Variants in NUPR2 observed in about 807,000 individuals in gnomAD.
The protein encoded by NUPR2 is nuclear protein 2.
A neutral mutation model predicts 7.3 loss-of-function variants in NUPR2; 14 were observed. The ratio of observed to expected loss-of-function variants is 1.93; its 90% CI spans 1.27 to 3.01. The LOEUF (loss-of-function observed/expected upper bound fraction) is 3.01, where lower values mean the gene tolerates loss of function less well. Among genes scored for constraint, NUPR2 ranks in the 30% most tolerant of loss-of-function variants. The pLI, the probability that NUPR2 is intolerant of heterozygous loss-of-function variation, is 0.00. For synonymous variants in NUPR2, 56 were observed against 59.7 expected, an observed-to-expected ratio of 0.94 and a Z score of 0.29; for missense variants, 162 against 143.7, an observed-to-expected ratio of 1.13 and a Z score of -0.65.
chr7:56,116,290 G>A lies in NUPR2; in HGVS notation c.25C>T (p.Leu9Phe). 6.8e-7 allele frequency: 1 copy of A among 1,465,904 alleles called. No homozygotes were observed. 90.8% of individuals were successfully genotyped at this position (1,465,904 alleles called of 1,614,324 possible). MEAPAERA[L>F]PRLQALARPP... is the part of the protein sequence containing the mutation. ...CGAGCCAGAGCCTGCAGACGTGGAA[G>A]CGCCCGCTCTGCGGGCGCTTCCATC... The change falls in exon 1 of 2, where the codon CTT becomes TTT. Residue 9 changes from leucine (L) to phenylalanine (F), a missense_variant. Transcript: ENST00000329309.
intron 1 of NUPR2, among the ~76,000 whole-genome samples, chr7:56,115,292 T>A (rs1401267958): frequency 1.3e-5 from 2 of 149,726 alleles, no homozygotes; most frequent in Non-Finnish European, 3.0e-5. Context: ...TACCTGCATC[T>A]ATTTTTTTTA....
rs1393798565 is a variant in NUPR2, at chr7:56,116,164, G to C, written c.151C>G (p.Arg51Gly). The C allele has an allele frequency of 1.3e-6, 2 of 1,547,922 alleles. No homozygotes were observed. The highest frequency in any genetic ancestry group is 2.5e-5 in the East Asian group (1 of 40,610). The change falls in exon 1 of 2, where the codon CGG (arginine) becomes GGG (glycine). Residue 51 changes from arginine (R) to glycine (G), a missense_variant. Transcript: ENST00000329309. Reference sequence around the variant, plus strand: ...CGCAGCGCCTGCTCGCGCCGAGTCCGGCCCTTGCTGCGCCCTGCCCCGCAG... The same window carrying C: ...CGCAGCGCCTGCTCGCGCCGAGTCCCGCCCTTGCTGCGCCCTGCCCCGCAG... ...PACGAGRSKGRTRREQALRTN... is the reference protein window; with the variant it reads ...PACGAGRSKGGTRREQALRTN...
At position 56,116,328 on chromosome 7, in the gene NUPR2, G is replaced by C. The variant is rs1020298443; in HGVS notation, c.-14C>G. On this transcript the variant is annotated 5_prime_UTR_variant, in exon 1 of 2. Transcript: ENST00000329309. ...GGGCGCTTCCATCCTGCCCAGGCCT[G>C]TGGCCACCGGCGGCCACCTGCCCGC... 2.5e-5 allele frequency: 33 copies of C among 1,344,750 alleles called. No individual in the cohort carries two copies. The highest frequency in any genetic ancestry group is 3.2e-5 in the Non-Finnish European group (33 of 1,045,670). 83.3% of individuals were successfully genotyped at this position (1,344,750 alleles called of 1,614,324 possible).
At chr7:56,115,430 TGTGTG>T (rs1362489473) in intron 1 of NUPR2, among the ~76,000 whole-genome samples, 14 of 18,238 alleles carry the variant, frequency 7.7e-4, no homozygotes, top group Non-Finnish European at 1.3e-3. Context: ...TATATATATT[TGTGTG>T]TGTGTGTGTG....
intron 1 of NUPR2, among the ~76,000 whole-genome samples, chr7:56,115,435 G>GTCTATATATA: frequency 3.1e-5 from 1 of 32,256 alleles, no homozygotes; most frequent in African/African-American, 1.5e-4. Flanking sequence ...ATATTTGTGT[G>GTCTATATATA]TGTGTGTGTG....
intron 1 of NUPR2, 82 bp downstream of exon 1, chr7:56,115,933 C>T (rs1051210447): frequency 3.7e-5 from 47 of 1,271,312 alleles, no homozygotes; most frequent in Non-Finnish European, 4.8e-5. Flanking sequence ...CGACTCTGCC[C>T]AGGGCGAGCA....
rs1785554440 is a variant in NUPR2 at position 56,116,337 on chromosome 7, GGCGGC to G, written c.-28_-24del. The G allele has an allele frequency of 8.1e-7, 1 of 1,229,582 alleles. No homozygotes were observed. Among genetic ancestry groups the G allele is most frequent in the African/African-American group, 1.6e-5 (1 of 60,756 alleles). The allele number at this position is 1,229,582 out of a possible 1,614,324, so 76.2% of individuals were successfully genotyped here. The stretch of plus-strand genomic sequence containing the variant: ...CATCCTGCCCAGGCCTGTGGCCACC[GGCGGC>G]CACCTGCCCGCGTCTGGGCGCTCCT... On this transcript the variant is annotated 5_prime_UTR_variant, in exon 1 of 2. Coordinates refer to ENST00000329309, the MANE Select transcript of NUPR2 (RefSeq NM_001145712.2).
At chr7:56,115,692 G>C (rs1018708500) in intron 1 of NUPR2, among the ~76,000 whole-genome samples, 8 of 142,850 alleles carry the variant, frequency 5.6e-5, no homozygotes, top group Non-Finnish European at 9.1e-5. Flanking sequence ...GGATGGTTTC[G>C]ATCTCCTGAC....
chr7:56,115,565 C>G (rs1288441772), intron 1 of NUPR2, among the ~76,000 whole-genome samples: 18 of 140,936 alleles, frequency 1.3e-4, no homozygotes, highest in Admixed American at 1.2e-3. Flanking sequence ...AAGCCATTCC[C>G]CTGCTTCAGC....
chr7:56,114,970 C>G (rs1055461806), intron 1 of NUPR2, 73 bp from the exon 2 acceptor site: 1 of 152,240 alleles, frequency 6.6e-6, no homozygotes, highest in African/African-American at 2.4e-5. Flanking sequence ...GGGTCTCACT[C>G]TGTCGCCTAG....
At chr7:56,114,985 G>C (rs1363280573) in intron 1 of NUPR2, 88 bp from the exon 2 acceptor site, 4 of 152,122 alleles carry the variant, frequency 2.6e-5, no homozygotes, top group African/African-American at 9.7e-5. Flanking sequence ...GCCTAGGCTG[G>C]AGTGAAGTGG....
intron 1 of NUPR2, among the ~76,000 whole-genome samples, chr7:56,115,401 A>ATG (rs1785522518): frequency 3.3e-5 from 1 of 30,304 alleles, no homozygotes; most frequent in African/African-American, 2.5e-4. Flanking sequence ...TCGCATATAT[A>ATG]TATATATATA....
rs1562891882 is a variant in NUPR2, at chr7:56,115,433, G to GTATATATA, written c.*7-537_*7-536insTATATATA. Among the ~76,000 whole-genome samples the GTATATATA allele has an allele frequency of 2.6e-4, 3 of 11,746 alleles. 1 individual carries two copies. Among genetic ancestry groups the GTATATATA allele is most frequent in the African/African-American group, 2.0e-3 (3 of 1,512 alleles). 7.7% of individuals were successfully genotyped at this position (11,746 alleles called of 152,430 possible). A position where few individuals can be genotyped will look rare whatever the true frequency, so the allele number is the denominator to read the frequency against. ...TATATATATATATATATATATTTGT[G>GTATATATA]TGTGTGTGTGTGTGTGTGTGTGTGT... On this transcript the variant is annotated intron_variant, in intron 1 of 1. Transcript: ENST00000329309.
Position 56,116,109 on chromosome 7 carries a change from T to C in NUPR2, c.206A>G (p.Glu69Gly). The change falls in exon 1 of 2, where the codon GAG (glutamate) becomes GGG (glycine). Residue 69 changes from glutamate (E) to glycine (G), a missense_variant. Physicochemically the swap from Glu to Gly is moderately conservative, Grantham distance 98. Transcript: ENST00000329309. ...RTNWPAPGGH[E>G]RKVAQKLLNG... ...GAGGAGCTTCTGCGCGACCTTGCGC[T>C]CGTGCCCGCCAGGTGCAGGCCAGTT... 1 of 1,540,734 alleles carries C rather than the reference T, an allele frequency of 6.5e-7. No homozygotes were observed. The highest frequency in any genetic ancestry group is 8.8e-7 in the Non-Finnish European group (1 of 1,142,716).
Position 56,116,175 on chromosome 7 carries a change from C to T in NUPR2, c.140G>A (p.Arg47His), listed in dbSNP as rs1037212258. ...CTCGCGCCGAGTCCGGCCCTTGCTG[C>T]GCCCTGCCCCGCAGGCCGGGAAGTC... ...LRDFPACGAGRSKGRTRREQA... is the reference protein window; with the variant it reads ...LRDFPACGAGHSKGRTRREQA... Residue 47 changes from arginine to histidine, a missense_variant, in exon 1 of 2, where the codon CGC becomes CAC. Transcript: ENST00000329309. 3.7e-5 allele frequency: 57 copies of T among 1,547,988 alleles called. No individual in the cohort carries two copies. The Admixed American group carries it at 1.1e-3, about 30-fold the overall frequency.
At chr7:56,115,433 G>GTATATATATACATA (rs1562891882) in intron 1 of NUPR2, among the ~76,000 whole-genome samples, 1 of 11,746 alleles carries the variant, frequency 8.5e-5, no homozygotes, top group African/African-American at 6.6e-4. Context: ...ATATATTTGT[G>GTATATATATACATA]TGTGTGTGTG....
chr7:56,116,007 G>T lies in NUPR2; in HGVS notation c.*6+8C>A, dbSNP rs1339365482. On this transcript the variant is annotated splice_region_variant and intron_variant, in intron 1 of 1. Transcript: ENST00000329309. ...GCACTGGTTGGGGGAGGTGTTGGGC[G>T]CACGTACCCAGGCTCAGGTGAGGCG... The T allele has an allele frequency of 1.4e-6, 2 of 1,445,884 alleles. No individual in the cohort carries two copies. The highest frequency in any genetic ancestry group is 9.1e-7 in the Non-Finnish European group (1 of 1,101,406). 89.6% of individuals were successfully genotyped at this position (1,445,884 alleles called of 1,614,324 possible).
chr7:56,115,428 T>TATATATATA (rs58684972), intron 1 of NUPR2, among the ~76,000 whole-genome samples: 1 of 45,922 alleles, frequency 2.2e-5, no homozygotes, highest in Non-Finnish European at 3.9e-5. Context: ...TATATATATA[T>TATATATATA]TTGTGTGTGT....
intron 1 of NUPR2, among the ~76,000 whole-genome samples, chr7:56,115,293 A>AT (rs1171211493): frequency 2.2e-5 from 3 of 134,918 alleles, no homozygotes; most frequent in African/African-American, 2.8e-5. Flanking sequence ...ACCTGCATCT[A>AT]TTTTTTTTAG....
Sources: allele counts gnomAD v4.1 joint callset (sites outside exome capture counted in the v4.1 genomes callset), GRCh38; gene constraint gnomAD v4.1.1; transcripts MANE v1.5; gene names NCBI Gene and HGNC (gene_info 2026-07-23, HGNC 2026-07-21).